Variants in LEO1 observed in about 807,000 individuals in gnomAD.
The protein encoded by LEO1 is LEO1 component of Paf1/RNA polymerase II complex.
LEO1 carries 34 observed loss-of-function variants against 80.4 expected under a neutral mutation model. The ratio of observed to expected loss-of-function variants is 0.42; its 90% CI spans 0.32 to 0.56. LEO1 has a LOEUF of 0.56. Ranked by LOEUF, LEO1 falls within the 20% of genes least tolerant of loss-of-function variation. The probability of loss-of-function intolerance (pLI) is 0.10; values close to 1 mark genes in which losing one functional copy is unlikely to be tolerated. For missense variants in LEO1, 631 were observed against 814.2 expected (o/e 0.77, Z 2.74); for synonymous variants, 262 against 274.9 (o/e 0.95, Z 0.46).
Position 51,965,852 on chromosome 15 carries a change from C to G in LEO1, c.711G>C (p.Leu237=). ...AATTTTGCATTTTCTCTTCATCAGA[C>G]AGCTGTGGTTGTTCTTCATCATCAG... ...QNSDDEEQPQ[L]SDEEKMQNSD... Residue 237 remains leucine, a synonymous_variant, in exon 2 of 12, where the codon CTG becomes CTC. Transcript: ENST00000299601. The G allele has an allele frequency of 1.2e-6, 2 of 1,614,142 alleles. No homozygotes were observed. The highest frequency in any genetic ancestry group is 1.7e-6 in the Non-Finnish European group (2 of 1,180,024).
intron 1 of LEO1, among the ~76,000 whole-genome samples, chr15:51,967,122 C>T (rs1276794914): frequency 2.0e-5 from 3 of 151,982 alleles, no homozygotes. Context: ...TTAAGTTATA[C>T]CAATGTATGC....
intron 6 of LEO1, among the ~76,000 whole-genome samples, chr15:51,957,993 C>T (rs190771304): frequency 1.5e-3 from 230 of 151,534 alleles, no homozygotes; most frequent in African/African-American, 5.4e-3. Flanking sequence ...TGCCCTCCAG[C>T]GTGGGCGACA....
chr15:51,950,218 C>T (rs189894601), intron 9 of LEO1, among the ~76,000 whole-genome samples: 54 of 152,312 alleles, frequency 3.5e-4, no homozygotes, highest in African/African-American at 1.1e-3. Context: ...TGACACTAAC[C>T]GGCCCAACTG....
rs564557339 is a variant in LEO1, at chr15:51,971,684, C to G, written c.58+4G>C. On this transcript the variant is annotated splice_donor_region_variant and intron_variant, in intron 1 of 11. Coordinates refer to ENST00000299601, the MANE Select transcript of LEO1 (RefSeq NM_138792.4). ...ACCCATCCTCCGAAGACCAGCGAAC[C>G]CACCTTTACGCTCAGCTTCGCTGTC... is the stretch of plus-strand genomic sequence containing the variant. 1.9e-6 allele frequency: 3 copies of G among 1,614,112 alleles called. No individual in the cohort carries two copies. Among genetic ancestry groups the G allele is most frequent in the South Asian group, 2.2e-5 (2 of 91,090 alleles).
At chr15:51,969,045 T>C (rs989187785) in intron 1 of LEO1, among the ~76,000 whole-genome samples, 2 of 152,122 alleles carry the variant, frequency 1.3e-5, no homozygotes. Flanking sequence ...CTTGGCTCAC[T>C]GCAACCTCTG....
intron 2 of LEO1, among the ~76,000 whole-genome samples, chr15:51,963,717 C>T (rs2057050413): frequency 6.6e-6 from 1 of 151,762 alleles, no homozygotes; most frequent in Non-Finnish European, 1.5e-5. Context: ...GCCAGGCCAA[C>T]ATGGGGAAAC....
chr15:51,968,413 C>T (rs922752927), intron 1 of LEO1, among the ~76,000 whole-genome samples: 9 of 151,918 alleles, frequency 5.9e-5, no homozygotes, highest in Admixed American at 1.3e-4. Context: ...TGGGGGCACA[C>T]GCCTGTAATC....
chr15:51,944,088 T>C (rs2056880044), intron 11 of LEO1, among the ~76,000 whole-genome samples: 1 of 152,126 alleles, frequency 6.6e-6, no homozygotes, highest in Non-Finnish European at 1.5e-5. Flanking sequence ...TTGAAAAACA[T>C]TACCCTACAC....
chr15:51,941,707 A>AT (rs2056854236), intron 11 of LEO1, among the ~76,000 whole-genome samples: 1 of 152,260 alleles, frequency 6.6e-6, no homozygotes, highest in African/African-American at 2.4e-5. Context: ...ATGAGGGAGA[A>AT]TAAAAAGCTC....
chr15:51,965,229 A>G (rs2141778676), intron 2 of LEO1, among the ~76,000 whole-genome samples: 1 of 152,334 alleles, frequency 6.6e-6, no homozygotes, highest in Middle Eastern at 3.4e-3. Context: ...ATACATTAAT[A>G]TCTTGTAAAT....
chr15:51,941,093 A>AAAT (rs771568179), intron 11 of LEO1, among the ~76,000 whole-genome samples: 2 of 142,396 alleles, frequency 1.4e-5, no homozygotes, highest in Admixed American at 6.8e-5. Context: ...ACAAACAAAT[A>AAAT]AATAAATAAA....
Position 51,938,038 on chromosome 15 carries a change from G to A in LEO1, c.*118C>T. 1.6e-6 allele frequency: 1 copy of A among 622,104 alleles called. No individual in the cohort carries two copies. Among genetic ancestry groups the A allele is most frequent in the Non-Finnish European group, 2.7e-6 (1 of 373,974 alleles). 38.5% of individuals were successfully genotyped at this position (622,104 alleles called of 1,614,324 possible). A position where few individuals can be genotyped will look rare whatever the true frequency, so the allele number is the denominator to read the frequency against. Reference sequence around the variant, plus strand: ...AAACATAGAGACTTGCTTTTAAATTGTTTTATTACAATTAAAATTACACAA... The same window carrying A: ...AAACATAGAGACTTGCTTTTAAATTATTTTATTACAATTAAAATTACACAA... On this transcript the variant is annotated 3_prime_UTR_variant, in exon 12 of 12. Coordinates refer to ENST00000299601, the MANE Select transcript of LEO1 (RefSeq NM_138792.4).
At chr15:51,958,677 T>A in intron 6 of LEO1, 65 bp downstream of exon 6, 1 of 972,242 alleles carries the variant, frequency 1.0e-6, no homozygotes. Flanking sequence ...AAGCTCAAGT[T>A]TCAAGTTAGT....
chr15:51,960,600 G>T, intron 4 of LEO1, 39 bp downstream of exon 4: 2 of 1,122,376 alleles, frequency 1.8e-6, no homozygotes, highest in Non-Finnish European at 2.7e-6. Context: ...GAAACTTTAT[G>T]CCTGGCCTTG....
intron 11 of LEO1, among the ~76,000 whole-genome samples, chr15:51,941,652 C>A (rs1448191245): frequency 1.3e-5 from 2 of 152,078 alleles, no homozygotes; most frequent in African/African-American, 2.4e-5. Flanking sequence ...TTATCTAGAT[C>A]TTTGAGGTAA....
chr15:51,942,651 G>A (rs2056863148), intron 11 of LEO1, among the ~76,000 whole-genome samples: 1 of 151,882 alleles, frequency 6.6e-6, no homozygotes, highest in South Asian at 2.1e-4. Flanking sequence ...GCCAGGTGCG[G>A]TGGCTCATGC....
At chr15:51,956,141 G>A (rs1023499907) in intron 6 of LEO1, among the ~76,000 whole-genome samples, 1 of 151,974 alleles carries the variant, frequency 6.6e-6, no homozygotes, top group Non-Finnish European at 1.5e-5. Flanking sequence ...CAAATATGCC[G>A]GGTGCAGGGC....
At chr15:51,953,046 A>G in intron 8 of LEO1, 83 bp downstream of exon 8, 8 of 1,134,998 alleles carry the variant, frequency 7.0e-6, no homozygotes, top group Middle Eastern at 2.8e-4. Flanking sequence ...GGGTTACATC[A>G]ATCAGGTGGC....
intron 2 of LEO1, among the ~76,000 whole-genome samples, chr15:51,963,734 T>C (rs560402720): frequency 1.3e-5 from 2 of 151,718 alleles, no homozygotes; most frequent in East Asian, 3.9e-4. Context: ...AAACTTCCTC[T>C]CTACTACAAA....
Sources: gnomAD v4.1 joint callset for allele counts (sites outside exome capture counted in the v4.1 genomes callset) on GRCh38, gnomAD v4.1.1 for gene constraint, MANE v1.5 for transcripts, NCBI Gene and HGNC (gene_info 2026-07-23, HGNC 2026-07-21) for gene names.